Variants in AKAP8L observed in about 807,000 individuals in gnomAD.
AKAP8L encodes A-kinase anchoring protein 8 like.
In AKAP8L, 34 loss-of-function variants were observed where a neutral mutation model predicts 77.5. That is an observed-to-expected ratio of 0.44 (90% CI 0.33 to 0.58). The LOEUF (loss-of-function observed/expected upper bound fraction) is 0.58. AKAP8L is among the 20% of genes least tolerant of loss of function. AKAP8L has a pLI of 0.02. For synonymous variants in AKAP8L, 342 were observed against 340.7 expected, an observed-to-expected ratio of 1.00 and a Z score of -0.04; for missense variants, 806 against 887.6, an observed-to-expected ratio of 0.91 and a Z score of 1.17.
rs1414199067 is a variant in AKAP8L at position 15,399,539 on chromosome 19, T to G, written c.1049-129A>C. The stretch of plus-strand genomic sequence containing the variant: ...CGAGAATAGCTGTCCAAGCAAGGCC[T>G]CTGGCCATGAGCAGGGCTGGGTATC... On this transcript the variant is annotated intron_variant, in intron 8 of 13. Transcript: ENST00000397410. This position sits in a 1 kb window ranked among gnomAD's most constrained non-coding sequence, Gnocchi z 6.1. 2 of 729,592 alleles carry G rather than the reference T, an allele frequency of 2.7e-6. No individual in the cohort carries two copies. The highest frequency in any genetic ancestry group is 3.5e-5 in the African/African-American group (2 of 57,872). 45.2% of individuals were successfully genotyped at this position (729,592 alleles called of 1,614,324 possible).
chr19:15,414,374 T>G (rs760039078), intron 1 of AKAP8L, among the ~76,000 whole-genome samples: 1 of 150,752 alleles, frequency 6.6e-6, no homozygotes, highest in Non-Finnish European at 1.5e-5. Context: ...TTAGCTGGTT[T>G]GTAAAGTGTT....
chr19:15,402,594 G>A (rs1213632366), intron 4 of AKAP8L, among the ~76,000 whole-genome samples: 1 of 152,212 alleles, frequency 6.6e-6, no homozygotes, highest in African/African-American at 2.4e-5. Flanking sequence ...AGAGCCCATG[G>A]CATCAAATCC....
chr19:15,387,881 C>T (rs547249806), intron 12 of AKAP8L, among the ~76,000 whole-genome samples: 83 of 151,998 alleles, frequency 5.5e-4, no homozygotes, highest in Non-Finnish European at 1.1e-3. Context: ...ATTGCTTGAA[C>T]CTGAGAGGTG....
chr19:15,385,537 A>G (rs1220267309), intron 12 of AKAP8L, among the ~76,000 whole-genome samples: 1 of 152,170 alleles, frequency 6.6e-6, no homozygotes, highest in Non-Finnish European at 1.5e-5. Flanking sequence ...AACCTTACTT[A>G]TAATGTATCA....
At position 15,380,280 on chromosome 19, in the gene AKAP8L, G is replaced by C; in HGVS notation, c.1783C>G (p.Pro595Ala). 6.6e-7 allele frequency: 1 copy of C among 1,524,738 alleles called. No individual in the cohort carries two copies. Among genetic ancestry groups the C allele is most frequent in the Non-Finnish European group, 8.7e-7 (1 of 1,143,076 alleles). 94.5% of individuals were successfully genotyped at this position (1,524,738 alleles called of 1,614,324 possible). The change falls in exon 14 of 14, where the codon CCA becomes GCA. Residue 595 changes from proline (P) to alanine (A), a missense_variant. Coordinates refer to ENST00000397410, the MANE Select transcript of AKAP8L (RefSeq NM_014371.4). ...VPAQPPVPPE[P>A]APGAVSPPPP... ...GGCGGCGACACGGCCCCGGGGGCTG[G>C]CTCTGGGGGCACGGGAGGCTGCGCC...
Position 15,398,159 on chromosome 19 carries a change from G to T in AKAP8L, c.1158-304C>A. 1 of 424,568 alleles carries T rather than the reference G, an allele frequency of 2.4e-6. No individual in the cohort carries two copies. The highest frequency in any genetic ancestry group is 4.4e-6 in the Non-Finnish European group (1 of 228,294). The allele number at this position is 424,568 out of a possible 1,614,324, so 26.3% of individuals were successfully genotyped here. On this transcript the variant is annotated intron_variant, in intron 9 of 13. Transcript: ENST00000397410. This position sits in a 1 kb window ranked among gnomAD's most constrained non-coding sequence, Gnocchi z 9.2. The stretch of plus-strand genomic sequence containing the variant: ...AACGAGTCGCTGGAAAGTTGCTGGA[G>T]GGCCTCGCTACCAAGGCTGGGCAGG...
chr19:15,416,041 C>T (rs900985954), intron 1 of AKAP8L, among the ~76,000 whole-genome samples: 4 of 151,884 alleles, frequency 2.6e-5, no homozygotes, highest in Non-Finnish European at 5.9e-5. Context: ...TGCCCAGGCT[C>T]ATCTCAAACT....
At position 15,412,744 on chromosome 19, in the gene AKAP8L, A is replaced by G. The variant is rs181375980; in HGVS notation, c.14-2150T>C. ...TTTTTAGTAGAGATGGGGTTTCACC[A>G]TGTTAGCCAGGATGGTCTCGATCTC... On this transcript the variant is annotated intron_variant, in intron 1 of 13. Coordinates refer to ENST00000397410, the MANE Select transcript of AKAP8L (RefSeq NM_014371.4). Among the ~76,000 whole-genome samples the G allele has an allele frequency of 1.6e-3, 245 of 152,246 alleles. 2 individuals are homozygous for G. Among genetic ancestry groups the G allele is most frequent in the Admixed American group, 9.8e-3 (150 of 15,292 alleles).
intron 12 of AKAP8L, among the ~76,000 whole-genome samples, chr19:15,387,971 G>A (rs1018015765): frequency 1.3e-5 from 2 of 151,922 alleles, no homozygotes; most frequent in African/African-American, 2.4e-5. Context: ...GAGAGGGGGC[G>A]GGGAGGGGAG....
At position 15,403,274 on chromosome 19, in the gene AKAP8L, C is replaced by T; in HGVS notation, c.362+201G>A. On this transcript the variant is annotated intron_variant, in intron 4 of 13. Transcript: ENST00000397410. The surrounding 1 kb of genome is among the most constrained non-coding windows in gnomAD (Gnocchi z 4.3). Reference sequence around the variant, plus strand: ...AAGCTGGGAAAGGCTGACCACCAGGCAGTGCGGCAGGGGTTGAGGGTGGGT... The same window carrying T: ...AAGCTGGGAAAGGCTGACCACCAGGTAGTGCGGCAGGGGTTGAGGGTGGGT... 1 of 590,362 alleles carries T rather than the reference C, an allele frequency of 1.7e-6. No homozygotes were observed. The highest frequency in any genetic ancestry group is 3.0e-6 in the Non-Finnish European group (1 of 331,174). The allele number at this position is 590,362 out of a possible 1,614,324, so 36.6% of individuals were successfully genotyped here. A position where few individuals can be genotyped will look rare whatever the true frequency, so the allele number is the denominator to read the frequency against.
intron 12 of AKAP8L, among the ~76,000 whole-genome samples, chr19:15,390,823 G>T (rs1338166108): frequency 6.6e-6 from 1 of 152,128 alleles, no homozygotes; most frequent in Non-Finnish European, 1.5e-5. Flanking sequence ...AAAGCCACAT[G>T]ATCACCTCAA....
At position 15,397,307 on chromosome 19, in the gene AKAP8L, C is replaced by T; in HGVS notation, c.1406-27G>A. 6.2e-7 allele frequency: 1 copy of T among 1,613,376 alleles called. No individual in the cohort carries two copies. Among genetic ancestry groups the T allele is most frequent in the South Asian group, 1.1e-5 (1 of 91,066 alleles). On this transcript the variant is annotated intron_variant, in intron 11 of 13. Transcript: ENST00000397410. This position sits in a 1 kb window ranked among gnomAD's most constrained non-coding sequence, Gnocchi z 4.7. ...TGTAGTGGGGAGGAGGGAGTCACCA[C>T]TGGGCCCAGGTGCCTAAGATAGACC...
At chr19:15,417,254 T>G (rs1016632130) in intron 1 of AKAP8L, among the ~76,000 whole-genome samples, 1 of 152,194 alleles carries the variant, frequency 6.6e-6, no homozygotes, top group African/African-American at 2.4e-5. Context: ...TTAAAAACCA[T>G]GAAACTGTCT....
rs1355960010 is a variant in AKAP8L, at chr19:15,397,559, G to A, written c.1366C>T (p.Leu456Phe). 6.2e-7 allele frequency: 1 copy of A among 1,613,766 alleles called. No individual in the cohort carries two copies. The highest frequency in any genetic ancestry group is 1.1e-5 in the South Asian group (1 of 91,068). Residue 456 changes from leucine to phenylalanine, a missense_variant, in exon 11 of 14, where the codon CTC becomes TTC. Physicochemically the swap from Leu to Phe is conservative, Grantham distance 22 (BLOSUM62 0). Transcript: ENST00000397410. The surrounding 1 kb of genome is among the most constrained non-coding windows in gnomAD (Gnocchi z 4.7). ...TGGTCTCTGTAGATTTGCTGGATGA[G>A]GCCATCAAGGTCCTCCACGGTTTTT... ...LRKTVEDLDG[L>F]IQQIYRDQDL...
chr19:15,386,030 C>T (rs1967529849), intron 12 of AKAP8L, among the ~76,000 whole-genome samples: 1 of 151,900 alleles, frequency 6.6e-6, no homozygotes. Flanking sequence ...CCTGCCTCAG[C>T]CTCTCGAGTA....
chr19:15,395,254 A>C (rs947136282), intron 12 of AKAP8L, among the ~76,000 whole-genome samples: 1 of 151,640 alleles, frequency 6.6e-6, no homozygotes, highest in African/African-American at 2.4e-5. Context: ...GGATGGTCTC[A>C]ATCTCCTGAC....
intron 12 of AKAP8L, 98 bp from the exon 13 acceptor site, chr19:15,380,710 G>T: frequency 9.6e-7 from 1 of 1,040,618 alleles, no homozygotes; most frequent in Non-Finnish European, 1.4e-6. Context: ...CCCCGCCCCT[G>T]CACCCACGCA....
In AKAP8L at chr19:15,410,195, G is replaced by A. The variant is rs373864606; in HGVS notation, c.88+325C>T. On this transcript the variant is annotated intron_variant, in intron 2 of 13. Coordinates refer to ENST00000397410, the MANE Select transcript of AKAP8L (RefSeq NM_014371.4). ...TGACCTCAAGTGATCCACCCGCCTC[G>A]GCCTCCCAAAGTGCTGGGATTACAG... Among the ~76,000 whole-genome samples, 165 of 152,114 alleles carry A rather than the reference G, an allele frequency of 1.1e-3. 7 individuals are homozygous for A. In the South Asian group the frequency reaches 0.032, roughly 29 times the overall value.
chr19:15,389,861 G>C (rs752211879), intron 12 of AKAP8L, among the ~76,000 whole-genome samples: 36 of 151,204 alleles, frequency 2.4e-4, no homozygotes, highest in Non-Finnish European at 4.1e-4. Flanking sequence ...GTCAAAGACA[G>C]GGGAAAAATC....
Sources: allele counts gnomAD v4.1 joint callset (sites outside exome capture counted in the v4.1 genomes callset), GRCh38; gene constraint gnomAD v4.1.1; non-coding constraint Gnocchi (gnomAD v3.1); transcripts MANE v1.5; gene names NCBI Gene and HGNC (gene_info 2026-07-23, HGNC 2026-07-21).